PDK1: variants seen among roughly 807,000 people sequenced by gnomAD.
The protein encoded by PDK1 is [Pyruvate dehydrogenase (acetyl-transferring)] kinase isozyme 1, mitochondrial.
PDK1 carries 39 observed loss-of-function variants against 54.2 expected under a neutral mutation model. The ratio of observed to expected loss-of-function variants is 0.72; its 90% CI spans 0.56 to 0.94. PDK1 has a LOEUF of 0.94. PDK1 is among the 40% of genes least tolerant of loss of function. The pLI, the probability that PDK1 is intolerant of heterozygous loss-of-function variation, is 0.00. For synonymous variants in PDK1, 221 were observed against 207.1 expected (o/e 1.07, Z -0.58); for missense variants, 552 against 566.0 (o/e 0.98, Z 0.25).
the PDK1 span, among the ~76,000 whole-genome samples, chr2:172,672,645 C>G: frequency 6.6e-6 from 1 of 151,260 alleles, no homozygotes; most frequent in African/African-American, 2.4e-5. Flanking sequence ...AAACAAGATG[C>G]TTTTCTTTGT....
rs368063774 is a variant in PDK1, at chr2:172,571,295, A to G, written c.945+471A>G. 4.6e-5 allele frequency among the ~76,000 whole-genome samples: 7 copies of G among 152,338 alleles called. No individual in the cohort carries two copies. In the East Asian group the frequency reaches 1.3e-3, roughly 29 times the overall value. ...CAGGATCACACAGGGCAGAAATGCT[A>G]TGGGACATGATATCCAGTCTTCTGT... On this transcript the variant is annotated intron_variant, in intron 8 of 10. Transcript: ENST00000282077.
chr2:172,588,552 A>G (rs917070861), intron 9 of PDK1, among the ~76,000 whole-genome samples: 1 of 152,248 alleles, frequency 6.6e-6, no homozygotes, highest in African/African-American at 2.4e-5. Context: ...TGAATTTTTA[A>G]GAAAATAGGA....
chr2:172,592,950 G>A lies in PDK1; in HGVS notation c.1072G>A (p.Gly358Arg). The A allele has an allele frequency of 1.2e-6, 2 of 1,609,196 alleles. No homozygotes were observed. The highest frequency in any genetic ancestry group is 1.7e-5 in the Admixed American group (1 of 59,954). The change falls in exon 10 of 11, where the codon GGA becomes AGA. Residue 358 changes from glycine to arginine, a missense_variant. By Grantham distance (125) the Gly-to-Arg change is moderately radical (BLOSUM62 -2). Transcript: ENST00000282077. The stretch of plus-strand genomic sequence containing the variant: ...CATCAAACAGGCTGGTTTTGGTTAT[G>A]GATTGCCCATATCACGTCTTTACGC... ...RAVPLAGFGY[G>R]LPISRLYAQY...
At chr2:172,654,900 G>T in the PDK1 span, among the ~76,000 whole-genome samples, 1 of 152,170 alleles carries the variant, frequency 6.6e-6, no homozygotes, top group Non-Finnish European at 1.5e-5. Context: ...ATAGCGGGCA[G>T]AGAAGACAAT....
chr2:172,597,116 T>C lies in PDK1; in HGVS notation c.*1147T>C, dbSNP rs1489428502. The C allele has an allele frequency of 6.6e-6, 1 of 152,060 alleles. No individual in the cohort carries two copies. The highest frequency in any genetic ancestry group is 2.4e-5 in the African/African-American group (1 of 41,386). The allele number at this position is 152,060 out of a possible 1,614,324, so 9.4% of individuals were successfully genotyped here. A position where few individuals can be genotyped will look rare whatever the true frequency, so the allele number is the denominator to read the frequency against. On this transcript the variant is annotated 3_prime_UTR_variant, in exon 11 of 11. Coordinates refer to ENST00000282077, the MANE Select transcript of PDK1 (RefSeq NM_002610.5). Reference sequence around the variant, plus strand: ...CGTGTCTTTTTTTCTTTTTTCTTTTTTTTTTTTCAAGACAGGGTCTCGCTC... The same window carrying C: ...CGTGTCTTTTTTTCTTTTTTCTTTTCTTTTTTTCAAGACAGGGTCTCGCTC...
intron 9 of PDK1, among the ~76,000 whole-genome samples, chr2:172,589,528 C>A (rs1242311485): frequency 6.6e-6 from 1 of 152,222 alleles, no homozygotes; most frequent in East Asian, 1.9e-4. Context: ...CTCTGAACTC[C>A]TGCTGGGTTT....
chr2:172,714,894 T>C, the PDK1 span, among the ~76,000 whole-genome samples: 4 of 152,254 alleles, frequency 2.6e-5, no homozygotes, highest in South Asian at 2.1e-4. Context: ...CACTATAGGA[T>C]AGAATAAACT....
the PDK1 span, among the ~76,000 whole-genome samples, chr2:172,700,970 C>T: frequency 6.6e-6 from 1 of 151,996 alleles, no homozygotes; most frequent in Non-Finnish European, 1.5e-5. Flanking sequence ...CCAGCCTCGG[C>T]TTGGCATCAG....
At chr2:172,717,398 G>A in the PDK1 span, among the ~76,000 whole-genome samples, 3 of 152,148 alleles carry the variant, frequency 2.0e-5, no homozygotes, top group Admixed American at 6.5e-5. Flanking sequence ...AATAATAAAC[G>A]CTTGTTGTTT....
chr2:172,657,936 T>A, the PDK1 span, among the ~76,000 whole-genome samples: 1 of 152,168 alleles, frequency 6.6e-6, no homozygotes. Flanking sequence ...TCAGGCTGCT[T>A]CCACTCCTGG....
At chr2:172,668,514 A>G in the PDK1 span, among the ~76,000 whole-genome samples, 1 of 151,570 alleles carries the variant, frequency 6.6e-6, no homozygotes, top group South Asian at 2.1e-4. Context: ...CTTGCTGCTT[A>G]GCTATGGATA....
In PDK1 at chr2:172,572,762, A is replaced by T. The variant is rs59990001; in HGVS notation, c.945+1938A>T. ...AAAGGAAAATACGCAGTACCTATGA[A>T]GTCACTTCCCGTTTTTCTCTCTTCT... On this transcript the variant is annotated intron_variant, in intron 8 of 10. Coordinates refer to ENST00000282077, the MANE Select transcript of PDK1 (RefSeq NM_002610.5). Among the ~76,000 whole-genome samples the T allele has an allele frequency of 5.0e-3, 754 of 152,224 alleles. 17 individuals are homozygous for T. Among genetic ancestry groups the T allele is most frequent in the East Asian group, 0.038 (199 of 5,176 alleles).
At chr2:172,642,552 A>G in the PDK1 span, among the ~76,000 whole-genome samples, 5 of 152,310 alleles carry the variant, frequency 3.3e-5, no homozygotes, top group East Asian at 1.9e-4. Context: ...GTGGGACCCA[A>G]TGGCTCTGTT....
chr2:172,646,735 CT>C, the PDK1 span, among the ~76,000 whole-genome samples: 2,558 of 72,112 alleles, frequency 0.035, 148 homozygotes, highest in African/African-American at 0.12. Context: ...CTTGCATTTC[CT>C]TTTTTTTTTT....
chr2:172,637,300 G>T, the PDK1 span, among the ~76,000 whole-genome samples: 1 of 152,186 alleles, frequency 6.6e-6, no homozygotes, highest in Non-Finnish European at 1.5e-5. Flanking sequence ...ACCCTTCACT[G>T]CTCAGTTAGA....
intron 8 of PDK1, among the ~76,000 whole-genome samples, chr2:172,573,676 T>C (rs1689421363): frequency 6.6e-6 from 1 of 152,024 alleles, no homozygotes. Context: ...TATATATATG[T>C]ATATAGGGGT....
At chr2:172,634,644 C>T in the PDK1 span, among the ~76,000 whole-genome samples, 1 of 151,642 alleles carries the variant, frequency 6.6e-6, no homozygotes, top group Admixed American at 6.6e-5. Context: ...GGATTATTTC[C>T]ACTCATTTGT....
At chr2:172,666,071 T>C in the PDK1 span, among the ~76,000 whole-genome samples, 149,777 of 152,302 alleles carry the variant, frequency 0.98, 73,706 homozygotes, top group Middle Eastern at 1. Flanking sequence ...AAATATAAAC[T>C]TCTTTATTAA....
At chr2:172,710,516 GT>G in the PDK1 span, among the ~76,000 whole-genome samples, 1 of 152,090 alleles carries the variant, frequency 6.6e-6, no homozygotes, top group Non-Finnish European at 1.5e-5. Context: ...CATATACAAA[GT>G]TTTAATGTTT....
Sources: allele counts gnomAD v4.1 joint callset (sites outside exome capture counted in the v4.1 genomes callset), GRCh38; gene constraint gnomAD v4.1.1; transcripts MANE v1.5; gene names NCBI Gene and HGNC (gene_info 2026-07-23, HGNC 2026-07-21).